Variants in ZFHX3 observed in about 807,000 individuals in gnomAD.
ZFHX3 encodes the protein zinc finger homeobox protein 3.
ZFHX3 carries 42 observed loss-of-function variants against 279.1 expected under a neutral mutation model. The observed-to-expected ratio is 0.15, with a 90% CI of 0.12 to 0.19. ZFHX3 has a LOEUF of 0.19. ZFHX3 is among the 10% of genes least tolerant of loss of function. The probability of loss-of-function intolerance (pLI) is 1.00; values close to 1 mark genes in which losing one functional copy is unlikely to be tolerated. For synonymous variants in ZFHX3, 2,293 were observed against 1,957.8 expected (o/e 1.17, Z -4.52); for missense variants, 4,981 against 4,754.0 (o/e 1.05, Z -1.40).
At chr16:73,451,039 C>A (rs1379254822) in intron 3 of ZFHX3, among the ~76,000 whole-genome samples, 5 of 152,080 alleles carry the variant, frequency 3.3e-5, no homozygotes, top group Admixed American at 2.6e-4. Flanking sequence ...GGTAGGCAAA[C>A]AGTACATGGG....
chr16:73,553,958 G>T (rs117465747), intron 2 of ZFHX3, among the ~76,000 whole-genome samples: 2,941 of 152,332 alleles, frequency 0.019, 48 homozygotes, highest in Non-Finnish European at 0.029. Context: ...AGTGATAAAT[G>T]GCGGCTGCAT....
At chr16:73,724,405 G>C (rs368276058) in intron 1 of ZFHX3, among the ~76,000 whole-genome samples, 4 of 152,206 alleles carry the variant, frequency 2.6e-5, no homozygotes, top group African/African-American at 9.6e-5. Context: ...TGCTAACTGG[G>C]AGATATTTTT....
At chr16:72,868,593 C>G (rs2143942003) in intron 4 of ZFHX3, among the ~76,000 whole-genome samples, 1 of 152,356 alleles carries the variant, frequency 6.6e-6, no homozygotes, top group East Asian at 1.9e-4. Context: ...GTCCTTGCTT[C>G]TCCCCCTCCA....
intron 1 of ZFHX3, among the ~76,000 whole-genome samples, chr16:73,039,146 C>A (rs1256898857): frequency 1.3e-5 from 2 of 150,858 alleles, no homozygotes; most frequent in South Asian, 2.1e-4. Context: ...TTTGTAGAGA[C>A]AGGGTCTCCC....
At chr16:73,616,246 T>C (rs2143893289) in intron 2 of ZFHX3, among the ~76,000 whole-genome samples, 1 of 151,396 alleles carries the variant, frequency 6.6e-6, no homozygotes, top group East Asian at 2.0e-4. Context: ...CCTGATGAGC[T>C]TTTGGGTAAC....
intron 3 of ZFHX3, among the ~76,000 whole-genome samples, chr16:73,366,250 G>C (rs927646873): frequency 3.3e-5 from 5 of 152,142 alleles, no homozygotes; most frequent in African/African-American, 1.2e-4. Context: ...AGCAATAGGG[G>C]AGAACTTAGG....
At chr16:73,699,176 T>C (rs896459974) in intron 1 of ZFHX3, among the ~76,000 whole-genome samples, 2 of 152,216 alleles carry the variant, frequency 1.3e-5, no homozygotes, top group Non-Finnish European at 2.9e-5. Flanking sequence ...GTTAATTGTA[T>C]TGTATCAATG....
chr16:73,044,888 T>A (rs1447159970), intron 1 of ZFHX3, among the ~76,000 whole-genome samples: 1 of 152,208 alleles, frequency 6.6e-6, no homozygotes, highest in African/African-American at 2.4e-5. Context: ...CCCAAAGTGC[T>A]GGGATTACAG....
In ZFHX3 at chr16:72,958,238, C is replaced by T. The variant is rs776384264; in HGVS notation, c.1908G>A (p.Ser636=). Residue 636 remains serine (S), a synonymous_variant, in exon 2 of 10, where the codon TCG becomes TCA. Transcript: ENST00000268489. ...LCELGVGECP[S]GSGVECPKCD... ...ATTTGGGGCACTCCACGCCACTCCC[C>T]GAGGGGCACTCCCCAACCCCAAGCT... is the stretch of plus-strand genomic sequence containing the variant. The T allele has an allele frequency of 1.4e-5, 22 of 1,612,652 alleles. No individual in the cohort carries two copies. The highest frequency in any genetic ancestry group is 2.7e-5 in the African/African-American group (2 of 74,892).
intron 4 of ZFHX3, among the ~76,000 whole-genome samples, chr16:73,277,608 A>G (rs2014333552): frequency 6.6e-6 from 1 of 152,230 alleles, no homozygotes; most frequent in Non-Finnish European, 1.5e-5. Flanking sequence ...TAGGTCACCA[A>G]TGTACCTAAT....
intron 1 of ZFHX3, among the ~76,000 whole-genome samples, chr16:73,706,806 C>A (rs2053309573): frequency 1.3e-5 from 2 of 152,182 alleles, no homozygotes. Context: ...CCCCACCCTC[C>A]ACCCAGAACC....
intron 6 of ZFHX3, chr16:73,137,311 A>G (rs1023682975): frequency 1.2e-4 from 18 of 152,266 alleles, no homozygotes; most frequent in Non-Finnish European, 2.2e-4. Flanking sequence ...GAAACTTTAC[A>G]TCAAGGCTCA....
At chr16:72,841,342 G>A (rs2037339704) in intron 4 of ZFHX3, among the ~76,000 whole-genome samples, 1 of 152,184 alleles carries the variant, frequency 6.6e-6, no homozygotes, top group Non-Finnish European at 1.5e-5. Flanking sequence ...AGGAAGCTGA[G>A]GTACAGAGAA....
chr16:72,975,460 A>C (rs1232125709), intron 1 of ZFHX3, among the ~76,000 whole-genome samples: 1 of 152,044 alleles, frequency 6.6e-6, no homozygotes, highest in African/African-American at 2.4e-5. Flanking sequence ...AAAATACAAT[A>C]CAATCAGGAG....
intron 5 of ZFHX3, among the ~76,000 whole-genome samples, chr16:73,214,433 A>G (rs2144913250): frequency 6.6e-6 from 1 of 152,288 alleles, no homozygotes; most frequent in African/African-American, 2.4e-5. Flanking sequence ...TTCATTGCAA[A>G]AAAAAGGAGG....
intron 2 of ZFHX3, among the ~76,000 whole-genome samples, chr16:73,620,671 T>C (rs990056312): frequency 6.6e-6 from 1 of 152,202 alleles, no homozygotes; most frequent in Non-Finnish European, 1.5e-5. Flanking sequence ...GTGACGACAA[T>C]ACCTTAGGGA....
chr16:73,093,525 C>A (rs969560928), exon 8 of ZFHX3: 2 of 506,250 alleles, frequency 4.0e-6, no homozygotes, highest in African/African-American at 3.9e-5. Context: ...CCTGTCCACT[C>A]TCGGGCTGTC....
At chr16:73,463,002 G>C (rs2018498537) in intron 2 of ZFHX3, among the ~76,000 whole-genome samples, 1 of 151,944 alleles carries the variant, frequency 6.6e-6, no homozygotes, top group Non-Finnish European at 1.5e-5. Flanking sequence ...TTCTTTATAT[G>C]TTTGTCAGAA....
intron 7 of ZFHX3, among the ~76,000 whole-genome samples, chr16:73,108,395 A>G (rs1263208355): frequency 1.3e-5 from 2 of 151,436 alleles, no homozygotes; most frequent in African/African-American, 2.4e-5. Flanking sequence ...GATGAAGAGG[A>G]GAAGGATGTA....
Sources: allele counts gnomAD v4.1 joint callset (sites outside exome capture counted in the v4.1 genomes callset), GRCh38; gene constraint gnomAD v4.1.1; transcripts MANE v1.5; gene names NCBI Gene and HGNC (gene_info 2026-07-23, HGNC 2026-07-21).